DCN: variants seen among roughly 807,000 people sequenced by gnomAD.
The protein encoded by DCN is bone proteoglycan II.
Under a neutral mutation model 36.5 loss-of-function variants are expected in DCN, and 17 were observed. The ratio of observed to expected loss-of-function variants is 0.47; its 90% CI spans 0.32 to 0.70. The LOEUF is 0.70. Ranked by LOEUF, DCN falls within the 30% of genes least tolerant of loss-of-function variation. DCN has a pLI of 0.04. For synonymous variants in DCN, 163 were observed against 161.4 expected (o/e 1.01, Z -0.07); for missense variants, 389 against 430.1 (o/e 0.90, Z 0.84).
intron 2 of DCN, chr12:91,177,552 T>C (rs1433216456): frequency 1.4e-6 from 1 of 702,164 alleles, no homozygotes; most frequent in Non-Finnish European, 2.6e-6. Context: ...CTTTGGCCCA[T>C]CCACTGAGCT....
chr12:91,162,600 G>T (rs1307927888), intron 3 of DCN, among the ~76,000 whole-genome samples: 3 of 152,136 alleles, frequency 2.0e-5, no homozygotes, highest in African/African-American at 7.2e-5. Flanking sequence ...AGTTTGGTAT[G>T]TTTATGCTCC....
intron 3 of DCN, among the ~76,000 whole-genome samples, chr12:91,158,790 C>G (rs1402058986): frequency 1.3e-5 from 2 of 152,172 alleles, no homozygotes; most frequent in South Asian, 2.1e-4. Flanking sequence ...GGCGAAATCC[C>G]GTCTGTATCA....
At chr12:91,152,843 T>C (rs1881520407) in intron 6 of DCN, among the ~76,000 whole-genome samples, 1 of 152,108 alleles carries the variant, frequency 6.6e-6, no homozygotes, top group African/African-American at 2.4e-5. Flanking sequence ...GTGTATAAAA[T>C]ATAACTAATC....
intron 3 of DCN, among the ~76,000 whole-genome samples, 165 bp from the exon 4 acceptor site, chr12:91,158,674 T>C (rs1881956870): frequency 6.6e-6 from 1 of 152,016 alleles, no homozygotes; most frequent in South Asian, 2.1e-4. Flanking sequence ...ACTTAAGAAG[T>C]GTATAGGCCA....
chr12:91,150,337 A>T (rs1881323020), intron 7 of DCN, among the ~76,000 whole-genome samples: 2 of 152,210 alleles, frequency 1.3e-5, no homozygotes, highest in Admixed American at 1.3e-4. Flanking sequence ...ACATTGGGAC[A>T]ATTGCTATCA....
At chr12:91,172,558 A>G (rs2121296718) in intron 2 of DCN, 2 of 435,494 alleles carry the variant, frequency 4.6e-6, no homozygotes, top group East Asian at 8.9e-5. Flanking sequence ...CTTTAATTCT[A>G]TTCTCTTTCC....
At chr12:91,179,200 A>G (rs1565791586) in intron 1 of DCN, 1 of 159,626 alleles carries the variant, frequency 6.3e-6, no homozygotes, top group Non-Finnish European at 1.4e-5. Flanking sequence ...TTAACTTCCT[A>G]TGGCTTATCA....
chr12:91,161,000 T>C (rs1487872946), intron 3 of DCN, among the ~76,000 whole-genome samples: 1 of 152,192 alleles, frequency 6.6e-6, no homozygotes, highest in Non-Finnish European at 1.5e-5. Flanking sequence ...TTTTCATTTC[T>C]CTCCTTCCTT....
Position 91,172,036 on chromosome 12 carries a change from G to T in DCN, c.211+6306C>A, listed in dbSNP as rs73360021. The T allele has an allele frequency of 4.4e-3, 676 of 152,176 alleles. 4 individuals carry two copies. Among genetic ancestry groups the T allele is most frequent in the African/African-American group, 0.015 (638 of 41,534 alleles). 9.4% of individuals were successfully genotyped at this position (152,176 alleles called of 1,614,324 possible). On this transcript the variant is annotated intron_variant, in intron 2 of 7. Transcript: ENST00000052754. ...TTAGACATTTGCTCTCCCAGTTTTT[G>T]TAAGGAGGTTTATCTTCTTTAAAAT...
chr12:91,148,721 CAAAAAAAAAAAAAA>C (rs5799978), intron 7 of DCN, among the ~76,000 whole-genome samples: 2 of 49,464 alleles, frequency 4.0e-5, no homozygotes, highest in Non-Finnish European at 7.8e-5. Context: ...CGCTCCGACT[CAAAAAAAAAAAAAA>C]AAAAAAAAAA....
At position 91,143,905 on chromosome 12, in the gene DCN, G is replaced by T. The variant is rs1341394545; in HGVS notation, c.*2153C>A. The T allele has an allele frequency of 6.6e-6, 1 of 150,606 alleles. No homozygotes were observed. Among genetic ancestry groups the T allele is most frequent in the Non-Finnish European group, 1.5e-5 (1 of 67,750 alleles). 9.3% of individuals were successfully genotyped at this position (150,606 alleles called of 1,614,324 possible). A position where few individuals can be genotyped will look rare whatever the true frequency, so the allele number is the denominator to read the frequency against. On this transcript the variant is annotated 3_prime_UTR_variant, in exon 8 of 8. Transcript: ENST00000052754. Reference sequence around the variant, plus strand: ...GTGTGTATATATATAAATATGGGGGGAAGTTGTGTTGACAAGAGTGCTGGA... The same window carrying T: ...GTGTGTATATATATAAATATGGGGGTAAGTTGTGTTGACAAGAGTGCTGGA...
intron 2 of DCN, among the ~76,000 whole-genome samples, chr12:91,165,717 A>C (rs1170138261): frequency 6.6e-6 from 1 of 152,146 alleles, no homozygotes; most frequent in Non-Finnish European, 1.5e-5. Context: ...AAGACTGCAT[A>C]ACACAAATCA....
chr12:91,158,853 T>C (rs1424304594), intron 3 of DCN, among the ~76,000 whole-genome samples: 1 of 151,884 alleles, frequency 6.6e-6, no homozygotes, highest in African/African-American at 2.4e-5. Context: ...TCCCGGCTAC[T>C]TGGGAGGCTG....
At chr12:91,179,686 T>C (rs1883491937) in intron 1 of DCN, 1 of 152,152 alleles carries the variant, frequency 6.6e-6, no homozygotes, top group African/African-American at 2.4e-5. Context: ...AAGCAATCAG[T>C]CTGATTTTTT....
intron 3 of DCN, among the ~76,000 whole-genome samples, chr12:91,160,107 A>C (rs1882067255): frequency 6.6e-6 from 1 of 152,112 alleles, no homozygotes; most frequent in Non-Finnish European, 1.5e-5. Flanking sequence ...TTGATACACA[A>C]TTCTAACACA....
intron 2 of DCN, chr12:91,177,438 A>C: frequency 4.9e-6 from 3 of 614,050 alleles, no homozygotes; most frequent in Non-Finnish European, 8.7e-6. Flanking sequence ...ACATGGCGGA[A>C]TCATGATATA....
At chr12:91,159,137 AT>A (rs1881997489) in intron 3 of DCN, among the ~76,000 whole-genome samples, 2 of 152,134 alleles carry the variant, frequency 1.3e-5, no homozygotes, top group African/African-American at 4.8e-5. Flanking sequence ...ACTGCTAACA[AT>A]TGAAATGACC....
chr12:91,178,647 T>A, intron 1 of DCN, 62 bp from the exon 2 acceptor site: 1 of 987,370 alleles, frequency 1.0e-6, no homozygotes. Context: ...TCGTTTCTTA[T>A]ATAATATGCC....
At chr12:91,182,488 TTC>T (rs1459480688) in intron 1 of DCN, 165 bp downstream of exon 1, 4 of 152,108 alleles carry the variant, frequency 2.6e-5, no homozygotes, top group Non-Finnish European at 5.9e-5. Flanking sequence ...AATATTTAAC[TTC>T]TGTTTTCAAA....
Sources: gnomAD v4.1 joint callset for allele counts (sites outside exome capture counted in the v4.1 genomes callset) on GRCh38, gnomAD v4.1.1 for gene constraint, MANE v1.5 for transcripts, NCBI Gene and HGNC (gene_info 2026-07-23, HGNC 2026-07-21) for gene names.